FGF14: variants seen among roughly 807,000 people sequenced by gnomAD.
FGF14 encodes fibroblast growth factor homologous factor 4.
FGF14 carries 5 observed loss-of-function variants against 25.5 expected under a neutral mutation model. The ratio of observed to expected loss-of-function variants is 0.20; its 90% CI spans 0.10 to 0.41. FGF14 has a LOEUF of 0.41. FGF14 is among the 10% of genes least tolerant of loss of function. FGF14 has a pLI of 1.00. For missense variants in FGF14, 222 were observed against 320.1 expected (o/e 0.69, Z 2.34); for synonymous variants, 138 against 118.3 (o/e 1.17, Z -1.08).
intron 1 of FGF14, among the ~76,000 whole-genome samples, chr13:102,310,074 A>G (rs1202611283): frequency 2.0e-5 from 3 of 152,320 alleles, no homozygotes; most frequent in East Asian, 1.9e-4. Context: ...TTCTTACCCT[A>G]TAAAATGAAA....
At chr13:101,833,798 A>G (rs1381510742) in intron 3 of FGF14, among the ~76,000 whole-genome samples, 1 of 152,260 alleles carries the variant, frequency 6.6e-6, no homozygotes, top group Non-Finnish European at 1.5e-5. Context: ...GCCAATTTCC[A>G]TTAAAATTCA....
At chr13:101,782,837 T>C (rs1324988758) in intron 3 of FGF14, among the ~76,000 whole-genome samples, 1 of 152,198 alleles carries the variant, frequency 6.6e-6, no homozygotes, top group Admixed American at 6.5e-5. Context: ...TGAATAGTGC[T>C]GCAATGAATA....
chr13:102,212,718 G>C (rs1312609457), intron 1 of FGF14, among the ~76,000 whole-genome samples: 1 of 152,144 alleles, frequency 6.6e-6, no homozygotes, highest in Non-Finnish European at 1.5e-5. Context: ...TGACAATTGA[G>C]GAGGGCAAAT....
chr13:102,327,375 G>A (rs1042055816), intron 1 of FGF14, among the ~76,000 whole-genome samples: 1 of 152,110 alleles, frequency 6.6e-6, no homozygotes, highest in East Asian at 1.9e-4. Context: ...TTGTTATCTC[G>A]CATAAGCTTA....
At chr13:101,725,007 CAAA>C (rs2035313662) in intron 4 of FGF14, among the ~76,000 whole-genome samples, 2 of 151,900 alleles carry the variant, frequency 1.3e-5, no homozygotes, top group East Asian at 1.9e-4. Context: ...AACTGGTTCC[CAAA>C]TTTTACCTCG....
At chr13:102,041,519 G>A (rs1334840011) in intron 1 of FGF14, among the ~76,000 whole-genome samples, 1 of 120,778 alleles carries the variant, frequency 8.3e-6, no homozygotes, top group Non-Finnish European at 1.7e-5. Flanking sequence ...AATGGTAAGT[G>A]AATTCCTTAA....
At chr13:101,772,321 ATAAT>A (rs1175392212) in intron 3 of FGF14, among the ~76,000 whole-genome samples, 24 of 152,260 alleles carry the variant, frequency 1.6e-4, no homozygotes, top group African/African-American at 5.8e-4. Context: ...GGGGTTTCAT[ATAAT>A]TAATAGCAAA....
At chr13:101,906,251 G>T (rs981315021) in intron 1 of FGF14, among the ~76,000 whole-genome samples, 10 of 152,116 alleles carry the variant, frequency 6.6e-5, no homozygotes, top group African/African-American at 1.9e-4. Context: ...GCTGGAATAA[G>T]GATGAGGTAA....
In FGF14 at chr13:101,716,818, C is replaced by A; in HGVS notation, c.*6013G>T. ...AAAAAAAAAAAAAATCTAGAAATGG[C>A]TTAAATAGAAATTACAAATATTCAC... On this transcript the variant is annotated 3_prime_UTR_variant, in exon 5 of 5. Coordinates refer to ENST00000376143, the MANE Select transcript of FGF14 (RefSeq NM_004115.4). 6.7e-6 allele frequency: 1 copy of A among 149,298 alleles called. No individual in the cohort carries two copies. 9.2% of individuals were successfully genotyped at this position (149,298 alleles called of 1,614,324 possible). A position where few individuals can be genotyped will look rare whatever the true frequency, so the allele number is the denominator to read the frequency against.
intron 1 of FGF14, among the ~76,000 whole-genome samples, chr13:101,891,015 G>T (rs940955672): frequency 2.6e-5 from 4 of 152,064 alleles, no homozygotes; most frequent in Non-Finnish European, 5.9e-5. Context: ...GGTGGTTTCA[G>T]AACTGTTATC....
At chr13:102,013,150 G>A (rs1423723593) in intron 1 of FGF14, among the ~76,000 whole-genome samples, 1 of 151,916 alleles carries the variant, frequency 6.6e-6, no homozygotes, top group Non-Finnish European at 1.5e-5. Flanking sequence ...GCAGAACCCT[G>A]TCACACACAC....
At chr13:102,256,505 A>T (rs1207915808) in intron 1 of FGF14, among the ~76,000 whole-genome samples, 1 of 152,134 alleles carries the variant, frequency 6.6e-6, no homozygotes, top group African/African-American at 2.4e-5. Context: ...CTCAAAAAAA[A>T]GGAAGAAAAA....
intron 1 of FGF14, among the ~76,000 whole-genome samples, chr13:102,363,159 G>T (rs556827533): frequency 6.6e-6 from 1 of 152,028 alleles, no homozygotes; most frequent in South Asian, 2.1e-4. Flanking sequence ...CAAAGAAATC[G>T]AAATGTAATT....
At chr13:101,784,900 C>G (rs994921039) in intron 3 of FGF14, among the ~76,000 whole-genome samples, 1 of 152,142 alleles carries the variant, frequency 6.6e-6, no homozygotes, top group Non-Finnish European at 1.5e-5. Context: ...GTATCAGATG[C>G]TAAGGTGGCT....
intron 1 of FGF14, among the ~76,000 whole-genome samples, chr13:102,349,353 C>T (rs1426186811): frequency 6.6e-6 from 1 of 151,836 alleles, no homozygotes; most frequent in Non-Finnish European, 1.5e-5. Context: ...TGTCTGCTCT[C>T]CATAGGCTCA....
intron 1 of FGF14, among the ~76,000 whole-genome samples, chr13:102,104,677 T>C (rs999858550): frequency 6.6e-6 from 1 of 152,162 alleles, no homozygotes; most frequent in Non-Finnish European, 1.5e-5. Flanking sequence ...TCCCAGCTAC[T>C]CTGGAGGCTA....
At chr13:102,231,673 T>C (rs2051091657) in intron 1 of FGF14, among the ~76,000 whole-genome samples, 1 of 152,188 alleles carries the variant, frequency 6.6e-6, no homozygotes, top group South Asian at 2.1e-4. Context: ...TCGTTACTCA[T>C]GAGAACCTGC....
At chr13:102,179,423 C>A (rs917390994) in intron 1 of FGF14, among the ~76,000 whole-genome samples, 3 of 152,118 alleles carry the variant, frequency 2.0e-5, no homozygotes, top group African/African-American at 7.2e-5. Flanking sequence ...TTGGGGACCA[C>A]ACAATCTTCT....
chr13:102,066,887 A>G (rs537857448), intron 1 of FGF14, among the ~76,000 whole-genome samples: 1 of 152,248 alleles, frequency 6.6e-6, no homozygotes, highest in African/African-American at 2.4e-5. Context: ...CCATCCTCAC[A>G]ACCCATGCTT....
Sources: gnomAD v4.1 joint callset for allele counts (sites outside exome capture counted in the v4.1 genomes callset) on GRCh38, gnomAD v4.1.1 for gene constraint, MANE v1.5 for transcripts, NCBI Gene and HGNC (gene_info 2026-07-23, HGNC 2026-07-21) for gene names.